The following ARFGEF1 variants were observed in gnomAD, a reference collection of about 807,000 sequenced individuals.
ARFGEF1 encodes the protein brefeldin A-inhibited guanine nucleotide-exchange protein 1.
A neutral mutation model predicts 231.0 loss-of-function variants in ARFGEF1; 42 were observed. That is an observed-to-expected ratio of 0.18 (90% confidence interval 0.14 to 0.24). The LOEUF (loss-of-function observed/expected upper bound fraction) is 0.24. Ranked by LOEUF, ARFGEF1 falls within the 10% of genes least tolerant of loss-of-function variation. The pLI is 1.00. For missense variants in ARFGEF1, 1,345 were observed against 2,192.0 expected, an observed-to-expected ratio of 0.61 and a Z score of 7.72; for synonymous variants, 710 against 732.3, an observed-to-expected ratio of 0.97 and a Z score of 0.49.
At chr8:67,251,975 T>C (rs968025242) in intron 18 of ARFGEF1, among the ~76,000 whole-genome samples, 1 of 151,960 alleles carries the variant, frequency 6.6e-6, no homozygotes, top group Admixed American at 6.6e-5. Flanking sequence ...AGAGGTAAAA[T>C]GCAATGGCAT....
Position 67,225,044 on chromosome 8 carries a change from A to C in ARFGEF1, c.4078-11T>G. 1 of 1,584,292 alleles carries C rather than the reference A, an allele frequency of 6.3e-7. No individual in the cohort carries two copies. Among genetic ancestry groups the C allele is most frequent in the Non-Finnish European group, 8.6e-7 (1 of 1,167,912 alleles). On this transcript the variant is annotated splice_polypyrimidine_tract_variant and intron_variant, in intron 28 of 38. Coordinates refer to ENST00000262215, the MANE Select transcript of ARFGEF1 (RefSeq NM_006421.5). Reference sequence around the variant, plus strand: ...GTATTCCTTGAAAGCCTTCAAGAAAAAAGGTAGGGTTATTAAAGGCAAAAC... The same window carrying C: ...GTATTCCTTGAAAGCCTTCAAGAAACAAGGTAGGGTTATTAAAGGCAAAAC...
rs1380946504 is a variant in ARFGEF1 at position 67,302,377 on chromosome 8, T to C, written c.155+59A>G. The C allele has an allele frequency of 4.3e-6, 6 of 1,396,002 alleles. No homozygotes were observed. In the African/African-American group the frequency reaches 5.8e-5, roughly 14 times the overall value. The allele number at this position is 1,396,002 out of a possible 1,614,324, so 86.5% of individuals were successfully genotyped here. On this transcript the variant is annotated intron_variant, in intron 2 of 38. Transcript: ENST00000262215. ...CTAAAATACAGATGACTATATTATT[T>C]TGACCAAGACTGACAAGTTTGAAAA... is the stretch of plus-strand genomic sequence containing the variant.
chr8:67,193,393 G>C, downstream of ARFGEF1: 1 of 1,391,040 alleles, frequency 7.2e-7, no homozygotes, highest in South Asian at 1.2e-5. Context: ...CACCATGCCT[G>C]GCCCTGATTC....
intron 1 of ARFGEF1, among the ~76,000 whole-genome samples, chr8:67,332,054 A>C (rs899687765): frequency 2.0e-5 from 3 of 152,212 alleles, no homozygotes; most frequent in Admixed American, 6.5e-5. Flanking sequence ...AAACTCAAAA[A>C]TATTTAAACA....
At chr8:67,248,333 C>A (rs935949066) in intron 19 of ARFGEF1, among the ~76,000 whole-genome samples, 4 of 150,264 alleles carry the variant, frequency 2.7e-5, no homozygotes, top group Non-Finnish European at 4.4e-5. Context: ...AAAAATGAAT[C>A]CATACATCTA....
At chr8:67,230,391 A>G (rs1267372836) in intron 23 of ARFGEF1, among the ~76,000 whole-genome samples, 1 of 152,150 alleles carries the variant, frequency 6.6e-6, no homozygotes, top group Admixed American at 6.6e-5. Context: ...ACAGATGCAA[A>G]AACAAAAAAT....
At chr8:67,225,101 T>A in intron 28 of ARFGEF1, 68 bp from the exon 29 acceptor site, 1 of 1,332,676 alleles carries the variant, frequency 7.5e-7, no homozygotes, top group Non-Finnish European at 9.9e-7. Flanking sequence ...TACTAACTTC[T>A]CAAAAAATAA....
At chr8:67,325,133 G>C (rs1412448890) in intron 1 of ARFGEF1, among the ~76,000 whole-genome samples, 1 of 151,622 alleles carries the variant, frequency 6.6e-6, no homozygotes, top group South Asian at 2.1e-4. Context: ...GGCTGGTCTT[G>C]AACTCCTGAC....
At chr8:67,227,729 T>C (rs1839423399) in intron 25 of ARFGEF1, 131 bp from the exon 26 acceptor site, 1 of 1,006,562 alleles carries the variant, frequency 9.9e-7, no homozygotes, top group Non-Finnish European at 1.4e-6. Flanking sequence ...CATAAAGGCA[T>C]TAAGTATGCT....
intron 29 of ARFGEF1, among the ~76,000 whole-genome samples, chr8:67,221,817 CTT>C (rs1296723837): frequency 6.8e-6 from 1 of 147,566 alleles, no homozygotes; most frequent in African/African-American, 2.5e-5. Flanking sequence ...TTTTTTTTTT[CTT>C]TCTTTTTTTT....
Position 67,226,559 on chromosome 8 carries a change from A to G in ARFGEF1, c.3917-376T>C, listed in dbSNP as rs118109197. 7.4e-3 allele frequency among the ~76,000 whole-genome samples: 1,131 copies of G among 152,274 alleles called. 5 individuals carry two copies. Among genetic ancestry groups the G allele is most frequent in the Non-Finnish European group, 0.012 (824 of 68,002 alleles). ...AGCTGTAAGCACTACGTAAAATAAT[A>G]TAAGTGAAGTGCTTAGTGTAATACT... On this transcript the variant is annotated intron_variant, in intron 27 of 38. Transcript: ENST00000262215.
chr8:67,242,094 G>T (rs760874724), intron 19 of ARFGEF1, among the ~76,000 whole-genome samples: 3 of 152,160 alleles, frequency 2.0e-5, no homozygotes, highest in Non-Finnish European at 4.4e-5. Context: ...CACCAGCATG[G>T]ACTAAAATGT....
chr8:67,263,804 G>A (rs1325651036), intron 14 of ARFGEF1, among the ~76,000 whole-genome samples: 2 of 152,230 alleles, frequency 1.3e-5, no homozygotes, highest in East Asian at 3.9e-4. Flanking sequence ...GTGACAAATA[G>A]ATGTATTCAC....
chr8:67,255,094 T>C (rs576375536), intron 17 of ARFGEF1, among the ~76,000 whole-genome samples: 1 of 152,214 alleles, frequency 6.6e-6, no homozygotes, highest in Non-Finnish European at 1.5e-5. Context: ...GAGAAAAGTC[T>C]TGACAGAAAA....
intron 7 of ARFGEF1, among the ~76,000 whole-genome samples, chr8:67,279,462 T>A (rs924327478): frequency 1.3e-5 from 2 of 152,270 alleles, no homozygotes; most frequent in Non-Finnish European, 2.9e-5. Flanking sequence ...CATTATCCAA[T>A]AAACATTCAA....
At chr8:67,299,432 T>C (rs1482609824) in intron 3 of ARFGEF1, 77 bp from the exon 4 acceptor site, 1 of 1,332,120 alleles carries the variant, frequency 7.5e-7, no homozygotes, top group African/African-American at 1.5e-5. Flanking sequence ...TACATTAAAA[T>C]TACAGTATAC....
At chr8:67,265,210 T>C (rs1804800439) in intron 14 of ARFGEF1, among the ~76,000 whole-genome samples, 1 of 152,192 alleles carries the variant, frequency 6.6e-6, no homozygotes, top group Non-Finnish European at 1.5e-5. Context: ...TGTACATTTT[T>C]GTTGAACTGT....
At chr8:67,254,098 G>A (rs1395807948) in intron 17 of ARFGEF1, among the ~76,000 whole-genome samples, 1 of 152,184 alleles carries the variant, frequency 6.6e-6, no homozygotes, top group Admixed American at 6.5e-5. Flanking sequence ...CAATCTCTCT[G>A]ACTGAGTCAC....
At chr8:67,216,944 A>G (rs1295458499) in intron 32 of ARFGEF1, among the ~76,000 whole-genome samples, 1 of 150,364 alleles carries the variant, frequency 6.7e-6, no homozygotes. Context: ...AAGATTTCAG[A>G]CCTCCTTTCC....
Sources: gnomAD v4.1 joint callset for allele counts (sites outside exome capture counted in the v4.1 genomes callset) on GRCh38, gnomAD v4.1.1 for gene constraint, MANE v1.5 for transcripts, NCBI Gene and HGNC (gene_info 2026-07-23, HGNC 2026-07-21) for gene names.